The following MACROD2 variants were observed in gnomAD, a reference collection of about 807,000 sequenced individuals.
MACROD2 encodes the protein mono-ADP ribosylhydrolase 2, also known as ADP-ribose glycohydrolase MACROD2.
A neutral mutation model predicts 70.4 loss-of-function variants in MACROD2; 36 were observed. That is an observed-to-expected ratio of 0.51 (90% CI 0.39 to 0.68). The LOEUF is 0.68. Among genes scored for constraint, MACROD2 ranks in the 30% least tolerant of loss-of-function variants. The pLI is 0.00. For synonymous variants in MACROD2, 172 were observed against 178.8 expected, an observed-to-expected ratio of 0.96 and a Z score of 0.30; for missense variants, 496 against 538.4, an observed-to-expected ratio of 0.92 and a Z score of 0.78.
At chr20:15,429,028 G>T (rs1395788733) in intron 6 of MACROD2, among the ~76,000 whole-genome samples, 2 of 152,146 alleles carry the variant, frequency 1.3e-5, no homozygotes, top group African/African-American at 4.8e-5. Flanking sequence ...AACATGACTG[G>T]CATGGCACAA....
At chr20:14,553,554 T>C (rs1978814494) in intron 4 of MACROD2, among the ~76,000 whole-genome samples, 1 of 152,136 alleles carries the variant, frequency 6.6e-6, no homozygotes, top group African/African-American at 2.4e-5. Flanking sequence ...TACTTTTGTA[T>C]GACTGGCAGC....
chr20:14,034,595 A>T (rs964040673), intron 2 of MACROD2, among the ~76,000 whole-genome samples: 2 of 152,192 alleles, frequency 1.3e-5, no homozygotes, highest in Non-Finnish European at 2.9e-5. Flanking sequence ...CCAACACTGG[A>T]TTATATCAAC....
chr20:15,489,418 C>G (rs2146470048), intron 7 of MACROD2, among the ~76,000 whole-genome samples: 1 of 152,234 alleles, frequency 6.6e-6, no homozygotes, highest in Middle Eastern at 3.4e-3. Flanking sequence ...CAGTGGGCCA[C>G]AAATTTACAC....
intron 8 of MACROD2, among the ~76,000 whole-genome samples, chr20:15,836,176 G>A (rs570238073): frequency 6.6e-6 from 1 of 152,218 alleles, no homozygotes; most frequent in South Asian, 2.1e-4. Context: ...TAATAGTGAC[G>A]TTTTACCTTT....
At chr20:14,325,500 T>G (rs1052741523) in intron 3 of MACROD2, 16 of 1,532,660 alleles carry the variant, frequency 1.0e-5, no homozygotes, top group South Asian at 2.6e-5. Context: ...GTTCCTACCA[T>G]CACCTCCCTT....
intron 5 of MACROD2, among the ~76,000 whole-genome samples, chr20:15,187,130 A>G (rs2076539763): frequency 6.6e-6 from 1 of 152,198 alleles, no homozygotes; most frequent in Non-Finnish European, 1.5e-5. Context: ...TCACTGGCAC[A>G]TAAGCTAGTT....
At chr20:14,127,949 C>T (rs1052062357) in intron 3 of MACROD2, 11 of 511,078 alleles carry the variant, frequency 2.2e-5, no homozygotes, top group Non-Finnish European at 3.1e-5. Flanking sequence ...ATGTAGAAGA[C>T]GTAGTTGTTG....
At chr20:15,575,585 A>G (rs1042128037) in intron 8 of MACROD2, among the ~76,000 whole-genome samples, 13 of 152,188 alleles carry the variant, frequency 8.5e-5, no homozygotes, top group African/African-American at 3.1e-4. Context: ...CTACTGGATC[A>G]TCAGGAGAGG....
At chr20:15,353,234 C>A (rs1002473305) in intron 6 of MACROD2, among the ~76,000 whole-genome samples, 13 of 152,056 alleles carry the variant, frequency 8.5e-5, no homozygotes, top group Non-Finnish European at 1.9e-4. Flanking sequence ...ACAAACCTGA[C>A]AAAAACAAGA....
chr20:15,322,141 G>C (rs1326586341), intron 6 of MACROD2, among the ~76,000 whole-genome samples: 5 of 143,846 alleles, frequency 3.5e-5, no homozygotes, highest in African/African-American at 1.2e-4. Flanking sequence ...CTAATTGTTA[G>C]TGTCTCAGCT....
chr20:14,152,314 A>G (rs1181342360), intron 3 of MACROD2, among the ~76,000 whole-genome samples: 1 of 152,176 alleles, frequency 6.6e-6, no homozygotes, highest in Non-Finnish European at 1.5e-5. Context: ...TGTTAACACA[A>G]TCTAGTCTAT....
intron 3 of MACROD2, among the ~76,000 whole-genome samples, chr20:14,374,637 G>A (rs1292747041): frequency 6.6e-6 from 1 of 152,098 alleles, no homozygotes; most frequent in African/African-American, 2.4e-5. Flanking sequence ...TGTGGCATCA[G>A]CAATAATAGT....
chr20:15,445,337 C>T (rs778090805), intron 7 of MACROD2, among the ~76,000 whole-genome samples: 33 of 152,070 alleles, frequency 2.2e-4, no homozygotes, highest in Non-Finnish European at 2.2e-4. Context: ...ACCACTGTAG[C>T]CAATTGTTTA....
At chr20:14,904,449 A>G in intron 5 of MACROD2, among the ~76,000 whole-genome samples, 1 of 152,138 alleles carries the variant, frequency 6.6e-6, no homozygotes, top group Non-Finnish European at 1.5e-5. Context: ...TTCAAATATA[A>G]CTTAAAAATA....
At chr20:14,410,831 T>C (rs2083741692) in intron 3 of MACROD2, among the ~76,000 whole-genome samples, 1 of 152,198 alleles carries the variant, frequency 6.6e-6, no homozygotes, top group African/African-American at 2.4e-5. Context: ...CTCTCTGGCA[T>C]CAGCATTTAC....
chr20:14,233,588 T>G (rs947367004), intron 3 of MACROD2, among the ~76,000 whole-genome samples: 6 of 149,378 alleles, frequency 4.0e-5, no homozygotes, highest in African/African-American at 1.2e-4. Context: ...TCCCAGCTAC[T>G]CGGGAGGCTG....
chr20:15,777,715 G>C (rs1456227483), intron 8 of MACROD2, among the ~76,000 whole-genome samples: 1 of 150,996 alleles, frequency 6.6e-6, no homozygotes, highest in Non-Finnish European at 1.5e-5. Flanking sequence ...CACGATCTTG[G>C]CTTACTGCAA....
At chr20:15,304,024 A>G (rs747044582) in intron 6 of MACROD2, among the ~76,000 whole-genome samples, 1 of 152,184 alleles carries the variant, frequency 6.6e-6, no homozygotes, top group Non-Finnish European at 1.5e-5. Context: ...CATTTTCACA[A>G]TTCTTCTTGG....
intron 5 of MACROD2, among the ~76,000 whole-genome samples, chr20:14,820,539 C>A (rs2072831735): frequency 6.6e-6 from 1 of 151,948 alleles, no homozygotes; most frequent in South Asian, 2.1e-4. Context: ...AAGACAATTT[C>A]ATCACCAGTG....
Sources: allele counts gnomAD v4.1 joint callset (sites outside exome capture counted in the v4.1 genomes callset), GRCh38; gene constraint gnomAD v4.1.1; transcripts MANE v1.5; gene names NCBI Gene and HGNC (gene_info 2026-07-23, HGNC 2026-07-21).